CELF5: variants seen among roughly 807,000 people sequenced by gnomAD.
CELF5 encodes the protein CUG-BP and ETR-3 like factor 5.
Under a neutral mutation model 54.9 loss-of-function variants are expected in CELF5, and 6 were observed. That is an observed-to-expected ratio of 0.11 (90% CI 0.06 to 0.22). CELF5 has a LOEUF of 0.22. Among genes scored for constraint, CELF5 ranks in the 10% least tolerant of loss-of-function variants. The pLI, the probability that CELF5 is intolerant of heterozygous loss-of-function variation, is 1.00. For missense variants in CELF5, 401 were observed against 678.6 expected, an observed-to-expected ratio of 0.59 and a Z score of 4.54; for synonymous variants, 271 against 290.9, an observed-to-expected ratio of 0.93 and a Z score of 0.70.
intron 11 of CELF5, among the ~76,000 whole-genome samples, chr19:3,290,808 T>C (rs1441790783): frequency 6.6e-6 from 1 of 150,586 alleles, no homozygotes; most frequent in African/African-American, 2.4e-5. Flanking sequence ...CCTCGTGATC[T>C]GCCCGCCTCG....
intron 2 of CELF5, among the ~76,000 whole-genome samples, chr19:3,252,305 G>T (rs2079662434): frequency 6.6e-6 from 1 of 152,188 alleles, no homozygotes. Context: ...AAAGTGCTGG[G>T]ATTACAGGTG....
chr19:3,225,997 G>A (rs955476574), intron 1 of CELF5, among the ~76,000 whole-genome samples: 7 of 152,122 alleles, frequency 4.6e-5, no homozygotes, highest in Non-Finnish European at 8.8e-5. Flanking sequence ...GGGGGTGTCC[G>A]GCAATTGTAT....
intron 1 of CELF5, chr19:3,225,710 G>C (rs1251609079): frequency 2.2e-6 from 1 of 445,338 alleles, no homozygotes; most frequent in African/African-American, 2.1e-5. Flanking sequence ...TCCCGTCGCT[G>C]CCCACCCCCT....
intron 3 of CELF5, among the ~76,000 whole-genome samples, chr19:3,274,163 G>GA (rs926074984): frequency 2.7e-4 from 41 of 151,976 alleles, no homozygotes; most frequent in Non-Finnish European, 5.9e-5. Flanking sequence ...AGGGAGGATG[G>GA]GGGGTCTAGC....
chr19:3,254,140 C>T (rs916550422), intron 2 of CELF5, among the ~76,000 whole-genome samples: 2 of 152,096 alleles, frequency 1.3e-5, no homozygotes, highest in Non-Finnish European at 2.9e-5. Flanking sequence ...GATCTGAGTC[C>T]ACTTTGAGAT....
chr19:3,289,714 AATT>A, intron 10 of CELF5, among the ~76,000 whole-genome samples: 8 of 148,996 alleles, frequency 5.4e-5, no homozygotes. Flanking sequence ...AAAAAAAAAA[AATT>A]AGCAACGCAT....
intron 2 of CELF5, among the ~76,000 whole-genome samples, chr19:3,267,517 G>A (rs1429579566): frequency 6.6e-6 from 1 of 152,188 alleles, no homozygotes; most frequent in Non-Finnish European, 1.5e-5. Context: ...CAGAGCCTGG[G>A]GTTCCTGGAG....
chr19:3,277,420 C>T (rs901331270), intron 4 of CELF5, among the ~76,000 whole-genome samples: 35 of 152,054 alleles, frequency 2.3e-4, no homozygotes, highest in Non-Finnish European at 4.4e-4. Flanking sequence ...TGCAGTGAGC[C>T]GAGATCACGC....
At chr19:3,235,579 TG>T (rs1176845120) in intron 1 of CELF5, among the ~76,000 whole-genome samples, 1 of 146,608 alleles carries the variant, frequency 6.8e-6, no homozygotes, top group African/African-American at 2.5e-5. Flanking sequence ...GATGTGTGGA[TG>T]GGTGGGTGGA....
chr19:3,271,443 C>G (rs2079962397), intron 2 of CELF5, among the ~76,000 whole-genome samples: 3 of 152,126 alleles, frequency 2.0e-5, no homozygotes, highest in Non-Finnish European at 4.4e-5. Context: ...AGGTTTTCCT[C>G]TCCTAGGTGA....
intron 1 of CELF5, among the ~76,000 whole-genome samples, chr19:3,243,090 G>A (rs2079514128): frequency 6.6e-6 from 1 of 152,170 alleles, no homozygotes; most frequent in South Asian, 2.1e-4. Context: ...AATGCCAGCA[G>A]CTACTGCATA....
At chr19:3,288,754 G>A (rs8111190) in intron 10 of CELF5, among the ~76,000 whole-genome samples, 2,721 of 152,050 alleles carry the variant, frequency 0.018, 95 homozygotes, top group African/African-American at 0.063. Flanking sequence ...AGGCCAAAGT[G>A]GGGGGATTGC....
At chr19:3,245,048 G>A (rs574260202) in intron 1 of CELF5, among the ~76,000 whole-genome samples, 2 of 143,760 alleles carry the variant, frequency 1.4e-5, no homozygotes, top group Admixed American at 7.0e-5. Context: ...TCTTGTCCAC[G>A]TGTGCGTATG....
At chr19:3,259,404 C>T (rs530006314) in intron 2 of CELF5, among the ~76,000 whole-genome samples, 1 of 151,592 alleles carries the variant, frequency 6.6e-6, no homozygotes, top group Admixed American at 6.6e-5. Flanking sequence ...CCAGGACGGC[C>T]CCACCCCAGA....
intron 2 of CELF5, among the ~76,000 whole-genome samples, chr19:3,265,236 G>A (rs1599440242): frequency 6.6e-6 from 1 of 152,278 alleles, no homozygotes; most frequent in East Asian, 1.9e-4. Context: ...TATTGAGGAG[G>A]CTGAGGTGGG....
rs2079916137 is a variant in CELF5, at chr19:3,268,662, G to A, written c.343-5210G>A. Among the ~76,000 whole-genome samples the A allele has an allele frequency of 6.6e-6, 1 of 152,168 alleles. No individual in the cohort carries two copies. Among genetic ancestry groups the A allele is most frequent in the Non-Finnish European group, 1.5e-5 (1 of 68,012 alleles). ...TGGACCCTGGGCTAAGGGTCTTGGT[G>A]GGGAACGGAGGGTCACAAAGCCCAG... is the stretch of plus-strand genomic sequence containing the variant. On this transcript the variant is annotated intron_variant, in intron 2 of 12. Coordinates refer to ENST00000292672, the MANE Select transcript of CELF5 (RefSeq NM_021938.4). This position sits in a 1 kb window ranked among gnomAD's most constrained non-coding sequence, Gnocchi z 4.4.
intron 2 of CELF5, among the ~76,000 whole-genome samples, chr19:3,263,939 T>C (rs945985650): frequency 6.6e-6 from 1 of 152,006 alleles, no homozygotes; most frequent in Admixed American, 6.6e-5. Flanking sequence ...TAAGTAAAAG[T>C]AGTACACACA....
intron 1 of CELF5, among the ~76,000 whole-genome samples, chr19:3,248,269 C>T (rs2079594490): frequency 6.6e-6 from 1 of 152,138 alleles, no homozygotes; most frequent in Non-Finnish European, 1.5e-5. Context: ...GATCCTCCCA[C>T]CTTGGCCTCC....
intron 2 of CELF5, among the ~76,000 whole-genome samples, chr19:3,256,698 A>G (rs2079732557): frequency 6.6e-6 from 1 of 151,198 alleles, no homozygotes; most frequent in African/African-American, 2.4e-5. Context: ...CCTCCCGAGT[A>G]GCTGGATTAC....
Sources: allele counts gnomAD v4.1 joint callset (sites outside exome capture counted in the v4.1 genomes callset), GRCh38; gene constraint gnomAD v4.1.1; non-coding constraint Gnocchi (gnomAD v3.1); transcripts MANE v1.5; gene names NCBI Gene and HGNC (gene_info 2026-07-23, HGNC 2026-07-21).